SDR16C5: variants seen among roughly 807,000 people sequenced by gnomAD.
SDR16C5 encodes the protein short chain dehydrogenase/reductase family 16C member 5.
Under a neutral mutation model 27.7 loss-of-function variants are expected in SDR16C5, and 20 were observed. That is an observed-to-expected ratio of 0.72 (90% CI 0.51 to 1.05). The LOEUF (loss-of-function observed/expected upper bound fraction) is 1.05, where lower values mean the gene tolerates loss of function less well. SDR16C5 is among the 50% of genes least tolerant of loss of function. The pLI is 0.00. For synonymous variants in SDR16C5, 139 were observed against 132.3 expected (o/e 1.05, Z -0.35); for missense variants, 374 against 366.3 (o/e 1.02, Z -0.17).
rs1384679455 is a variant in SDR16C5 at position 56,309,106 on chromosome 8, T to C, written c.466-79A>G. Reference sequence around the variant, plus strand: ...TCAGATATTTATATACTCATTGTGATTAAAAAATCTTTTTTTTTCAGCCTG... The same window carrying C: ...TCAGATATTTATATACTCATTGTGACTAAAAAATCTTTTTTTTTCAGCCTG... On this transcript the variant is annotated intron_variant, in intron 3 of 6. Transcript: ENST00000303749. The C allele has an allele frequency of 6.2e-6, 7 of 1,131,448 alleles. No individual in the cohort carries two copies. The East Asian group carries it at 1.7e-4, about 27-fold the overall frequency. 70.1% of individuals were successfully genotyped at this position (1,131,448 alleles called of 1,614,324 possible). A position where few individuals can be genotyped will look rare whatever the true frequency, so the allele number is the denominator to read the frequency against.
At position 56,300,957 on chromosome 8, in the gene SDR16C5, A is replaced by G. The variant is rs1814737180; in HGVS notation, c.*523T>C. ...AAGCATTTGTGTAGCTGTTTTGGAAAGAAGGGCACTGGAGGCGGGCCTTTT... is the reference window on the plus strand; with the variant it reads ...AAGCATTTGTGTAGCTGTTTTGGAAGGAAGGGCACTGGAGGCGGGCCTTTT... On this transcript the variant is annotated 3_prime_UTR_variant, in exon 7 of 7. Coordinates refer to ENST00000303749, the MANE Select transcript of SDR16C5 (RefSeq NM_138969.4). 6.5e-6 allele frequency: 1 copy of G among 153,088 alleles called. No individual in the cohort carries two copies. The highest frequency in any genetic ancestry group is 1.5e-5 in the Non-Finnish European group (1 of 68,672). 9.5% of individuals were successfully genotyped at this position (153,088 alleles called of 1,614,324 possible).
At chr8:56,312,980 G>A (rs1215829762) in intron 2 of SDR16C5, among the ~76,000 whole-genome samples, 1 of 152,028 alleles carries the variant, frequency 6.6e-6, no homozygotes, top group African/African-American at 2.4e-5. Flanking sequence ...TTTTCACCGT[G>A]TTAGCCAGGA....
intron 1 of SDR16C5, among the ~76,000 whole-genome samples, chr8:56,318,904 T>C (rs116516924): frequency 0.016 from 2,440 of 152,158 alleles, 86 homozygotes; most frequent in African/African-American, 0.056. Flanking sequence ...AAAGTTTGGG[T>C]TGGAATTCCA....
intron 2 of SDR16C5, among the ~76,000 whole-genome samples, chr8:56,313,045 G>A (rs1019174700): frequency 6.6e-6 from 1 of 152,078 alleles, no homozygotes; most frequent in Non-Finnish European, 1.5e-5. Flanking sequence ...CAAAGTGTTG[G>A]GATTACAGGC....
chr8:56,316,757 CA>C (rs1815210479), intron 1 of SDR16C5, among the ~76,000 whole-genome samples: 1 of 152,216 alleles, frequency 6.6e-6, no homozygotes, highest in African/African-American at 2.4e-5. Flanking sequence ...GACCACATCA[CA>C]ATGTTTATAA....
In SDR16C5 at chr8:56,316,281, G is replaced by T. The variant is rs760453280; in HGVS notation, c.67C>A (p.Leu23Met). Reference sequence around the variant, plus strand: ...AGTAAGGCAAAAATCATAGCCTCCAGAAGACTAAACAGTGATTTTCCTAAG... The same window carrying T: ...AGTAAGGCAAAAATCATAGCCTCCATAAGACTAAACAGTGATTTTCCTAAG... Reference protein sequence around the residue: ...IFLGKSLFSLLEAMIFALLPK... With the variant: ...IFLGKSLFSLMEAMIFALLPK... Residue 23 changes from leucine to methionine, a missense_variant, in exon 2 of 7, where the codon CTG (leucine) becomes ATG (methionine). Physicochemically the swap from Leu to Met is conservative, Grantham distance 15 (BLOSUM62 2). Coordinates refer to ENST00000303749, the MANE Select transcript of SDR16C5 (RefSeq NM_138969.4). The T allele has an allele frequency of 1.9e-5, 31 of 1,613,756 alleles. No homozygotes were observed. Among genetic ancestry groups the T allele is most frequent in the Non-Finnish European group, 2.6e-5 (31 of 1,179,750 alleles).
In SDR16C5 at chr8:56,306,937, T is replaced by C. The variant is rs1392401720; in HGVS notation, c.566-117A>G. 4 of 894,760 alleles carry C rather than the reference T, an allele frequency of 4.5e-6. No homozygotes were observed. The African/African-American group carries it at 6.8e-5, about 15-fold the overall frequency. 55.4% of individuals were successfully genotyped at this position (894,760 alleles called of 1,614,324 possible). On this transcript the variant is annotated intron_variant, in intron 4 of 6. Coordinates refer to ENST00000303749, the MANE Select transcript of SDR16C5 (RefSeq NM_138969.4). ...TAAGACAATTTCAGAGTTCTCCTTTTGTGTAATCTTGGTCTACTCCCACTG... is the reference window on the plus strand; with the variant it reads ...TAAGACAATTTCAGAGTTCTCCTTTCGTGTAATCTTGGTCTACTCCCACTG...
chr8:56,319,690 G>GA (rs1815285216), intron 1 of SDR16C5, among the ~76,000 whole-genome samples: 11 of 152,154 alleles, frequency 7.2e-5, no homozygotes. Context: ...ATATCCACCC[G>GA]GAAGGTGGAT....
intron 4 of SDR16C5, 102 bp from the exon 5 acceptor site, chr8:56,306,922 T>A: frequency 9.9e-7 from 1 of 1,009,296 alleles, no homozygotes. Context: ...TAAGACAATT[T>A]CAGAGTTCTC....
In SDR16C5 at chr8:56,312,156, C is replaced by A. The variant is rs780647370; in HGVS notation, c.465+1G>T. ...TTATGATGAGAAGAAACAATTATTACCCATAAATGTGCTTTGAAATTCACA... is the reference window on the plus strand; with the variant it reads ...TTATGATGAGAAGAAACAATTATTAACCATAAATGTGCTTTGAAATTCACA... On this transcript the variant is annotated splice_donor_variant, in intron 3 of 6. Transcript: ENST00000303749. LOFTEE classifies it high-confidence loss of function. 6.2e-7 allele frequency: 1 copy of A among 1,608,066 alleles called. No individual in the cohort carries two copies. The highest frequency in any genetic ancestry group is 8.5e-7 in the Non-Finnish European group (1 of 1,175,048).
intron 2 of SDR16C5, among the ~76,000 whole-genome samples, chr8:56,312,939 G>A (rs1318648602): frequency 2.6e-5 from 4 of 151,838 alleles, no homozygotes; most frequent in Non-Finnish European, 5.9e-5. Flanking sequence ...ACCACACCCG[G>A]CTAATTTTTT....
intron 1 of SDR16C5, among the ~76,000 whole-genome samples, chr8:56,318,779 C>G (rs1393436531): frequency 3.3e-5 from 5 of 152,130 alleles, no homozygotes; most frequent in Non-Finnish European, 7.4e-5. Flanking sequence ...TTAACCCTGT[C>G]TTGGCAGATG....
intron 3 of SDR16C5, among the ~76,000 whole-genome samples, chr8:56,310,647 G>C (rs1436088892): frequency 2.6e-5 from 4 of 151,800 alleles, no homozygotes; most frequent in African/African-American, 9.7e-5. Flanking sequence ...GAACCCGGGA[G>C]GTGGAGGTTG....
At chr8:56,302,090 C>T (rs2129255984) in intron 6 of SDR16C5, among the ~76,000 whole-genome samples, 1 of 152,334 alleles carries the variant, frequency 6.6e-6, no homozygotes, top group Middle Eastern at 3.4e-3. Context: ...CTTCTCCATC[C>T]ACACCTGCCC....
At chr8:56,304,984 C>T (rs1337203585) in intron 6 of SDR16C5, among the ~76,000 whole-genome samples, 1 of 152,168 alleles carries the variant, frequency 6.6e-6, no homozygotes, top group African/African-American at 2.4e-5. Context: ...GTTTCCCAAG[C>T]TAGTCTTGAA....
At position 56,300,778 on chromosome 8, in the gene SDR16C5, C is replaced by T. The variant is rs2129255523; in HGVS notation, c.*702G>A. On this transcript the variant is annotated 3_prime_UTR_variant, in exon 7 of 7. Transcript: ENST00000303749. Reference sequence around the variant, plus strand: ...AGAAGCAACCACTCTTTGATCTCTTCTAGGAAACAAAAGTGATTCTATTTA... The same window carrying T: ...AGAAGCAACCACTCTTTGATCTCTTTTAGGAAACAAAAGTGATTCTATTTA... 6.6e-6 allele frequency: 1 copy of T among 152,294 alleles called. No individual in the cohort carries two copies. Among genetic ancestry groups the T allele is most frequent in the South Asian group, 2.1e-4 (1 of 4,832 alleles). The allele number at this position is 152,294 out of a possible 1,614,324, so 9.4% of individuals were successfully genotyped here. A position where few individuals can be genotyped will look rare whatever the true frequency, so the allele number is the denominator to read the frequency against.
chr8:56,300,932 A>G lies in SDR16C5; in HGVS notation c.*548T>C, dbSNP rs1814736293. ...CGGTCTGCGTATCCAGGGCATTCAG[A>G]AGCATTTGTGTAGCTGTTTTGGAAA... is the stretch of plus-strand genomic sequence containing the variant. On this transcript the variant is annotated 3_prime_UTR_variant, in exon 7 of 7. Coordinates refer to ENST00000303749, the MANE Select transcript of SDR16C5 (RefSeq NM_138969.4). 1 of 152,814 alleles carries G rather than the reference A, an allele frequency of 6.5e-6. No homozygotes were observed. The highest frequency in any genetic ancestry group is 2.4e-5 in the African/African-American group (1 of 41,456). The allele number at this position is 152,814 out of a possible 1,614,324, so 9.5% of individuals were successfully genotyped here. A position where few individuals can be genotyped will look rare whatever the true frequency, so the allele number is the denominator to read the frequency against.
chr8:56,312,777 GTTTTTT>G (rs35869830), intron 2 of SDR16C5, among the ~76,000 whole-genome samples: 1 of 134,868 alleles, frequency 7.4e-6, no homozygotes, highest in Non-Finnish European at 1.6e-5. Context: ...CACACACCAA[GTTTTTT>G]TTTTTTTTTT....
intron 1 of SDR16C5, among the ~76,000 whole-genome samples, chr8:56,319,678 T>C (rs1815284383): frequency 6.6e-6 from 1 of 152,094 alleles, no homozygotes; most frequent in African/African-American, 2.4e-5. Flanking sequence ...ATATGGGGGT[T>C]GATATCCACC....
Sources: gnomAD v4.1 joint callset for allele counts (sites outside exome capture counted in the v4.1 genomes callset) on GRCh38, gnomAD v4.1.1 for gene constraint, MANE v1.5 for transcripts, NCBI Gene and HGNC (gene_info 2026-07-23, HGNC 2026-07-21) for gene names.